RPL37A: variants seen among roughly 807,000 people sequenced by gnomAD.
The protein encoded by RPL37A is ribosomal protein L37a.
Under a neutral mutation model 13.6 loss-of-function variants are expected in RPL37A, and 5 were observed. The observed-to-expected ratio is 0.37, with a 90% CI of 0.19 to 0.78. The LOEUF is 0.78. Among genes scored for constraint, RPL37A ranks in the 30% least tolerant of loss-of-function variants. The pLI, the probability that RPL37A is intolerant of heterozygous loss-of-function variation, is 0.49. For missense variants in RPL37A, 77 were observed against 120.0 expected (o/e 0.64, Z 1.67); for synonymous variants, 50 against 44.4 (o/e 1.13, Z -0.50).
rs1023633787 is a variant in RPL37A at position 216,499,332 on chromosome 2, C to T, written c.66C>T (p.Leu22=). The stretch of plus-strand genomic sequence containing the variant: ...ACGGGACCCGCTATGGGGCCTCCCT[C>T]CGGAAAATGGTGAAGAAAATTGAAA... ...GKYGTRYGAS[L]RKMVKKIEIS... The change falls in exon 2 of 4, where the codon CTC becomes CTT. Residue 22 remains leucine (L), a synonymous_variant. Transcript: ENST00000491306. The T allele has an allele frequency of 2.5e-6, 4 of 1,613,984 alleles. No individual in the cohort carries two copies. The highest frequency in any genetic ancestry group is 2.7e-5 in the African/African-American group (2 of 74,916).
chr2:216,501,157 C>A, intron 3 of RPL37A, 184 bp from the exon 4 acceptor site: 1 of 516,050 alleles, frequency 1.9e-6, no homozygotes, highest in Non-Finnish European at 3.5e-6. Context: ...GAGGAGTAAT[C>A]TAATGTTGGT....
chr2:216,500,203 AAC>A, intron 3 of RPL37A, 172 bp downstream of exon 3: 2 of 616,276 alleles, frequency 3.2e-6, no homozygotes, highest in South Asian at 4.0e-5. Flanking sequence ...TGAAAGAGTA[AAC>A]ACAAAACTAC....
Position 216,500,933 on chromosome 2 carries a change from A to C in RPL37A, c.216-408A>C, listed in dbSNP as rs185795045. The stretch of plus-strand genomic sequence containing the variant: ...CTTGTAATCTGTCCATTCCCTTTTA[A>C]TAAGTTTAGGTCAGCCTCTTAGAAC... On this transcript the variant is annotated intron_variant, in intron 3 of 3. Coordinates refer to ENST00000491306, the MANE Select transcript of RPL37A (RefSeq NM_000998.5). 119 of 155,242 alleles carry C rather than the reference A, an allele frequency of 7.7e-4. 1 individual carries two copies. The East Asian group carries it at 0.018, about 23-fold the overall frequency. 9.6% of individuals were successfully genotyped at this position (155,242 alleles called of 1,614,324 possible). A position where few individuals can be genotyped will look rare whatever the true frequency, so the allele number is the denominator to read the frequency against.
In RPL37A at chr2:216,503,022, A is replaced by G. The variant is rs1418203456; in HGVS notation, c.*1618A>G. ...TAATGTGAAGCAAGTACTGTGGGTC[A>G]GTAGGGGTAGGACCAGGAGTGACAA... is the stretch of plus-strand genomic sequence containing the variant. On this transcript the variant is annotated 3_prime_UTR_variant, in exon 4 of 4. Coordinates refer to ENST00000491306, the MANE Select transcript of RPL37A (RefSeq NM_000998.5). 1.3e-5 allele frequency: 2 copies of G among 152,200 alleles called. No homozygotes were observed. 9.4% of individuals were successfully genotyped at this position (152,200 alleles called of 1,614,324 possible).
Position 216,502,849 on chromosome 2 carries a change from C to T in RPL37A, c.*1445C>T, listed in dbSNP as rs1171512619. ...TTACTGGCCTTTGCACGGATGTCTC[C>T]CTTCACCTGTACCTCCTGCATTGCC... On this transcript the variant is annotated 3_prime_UTR_variant, in exon 4 of 4. Transcript: ENST00000491306. 1 of 152,196 alleles carries T rather than the reference C, an allele frequency of 6.6e-6. No individual in the cohort carries two copies. The highest frequency in any genetic ancestry group is 1.5e-5 in the Non-Finnish European group (1 of 68,042). 9.4% of individuals were successfully genotyped at this position (152,196 alleles called of 1,614,324 possible). A position where few individuals can be genotyped will look rare whatever the true frequency, so the allele number is the denominator to read the frequency against.
Position 216,503,934 on chromosome 2 carries a change from T to A in RPL37A, c.*2530T>A, listed in dbSNP as rs1207753060. 6.6e-6 allele frequency: 1 copy of A among 152,218 alleles called. No homozygotes were observed. Among genetic ancestry groups the A allele is most frequent in the Non-Finnish European group, 1.5e-5 (1 of 68,034 alleles). 9.4% of individuals were successfully genotyped at this position (152,218 alleles called of 1,614,324 possible). On this transcript the variant is annotated 3_prime_UTR_variant, in exon 4 of 4. Transcript: ENST00000491306. ...GGCTCAGTATTCCTTACCTGCCTCT[T>A]CCCATGCTAAAGATGGCCCACCTTC...
chr2:216,499,594 C>T, intron 2 of RPL37A, 196 bp downstream of exon 2: 1 of 715,156 alleles, frequency 1.4e-6, no homozygotes, highest in Non-Finnish European at 2.3e-6. Flanking sequence ...TTAAAGAAAA[C>T]CGCTTAAACG....
chr2:216,499,016 G>C, intron 1 of RPL37A, 139 bp downstream of exon 1: 1 of 1,364,248 alleles, frequency 7.3e-7, no homozygotes, highest in Non-Finnish European at 1.0e-6. Context: ...CACCATTGTC[G>C]GAAGCTCCCC....
Position 216,503,270 on chromosome 2 carries a change from T to G in RPL37A, c.*1866T>G. ...GTGACTTAACCTCTCTGCTTCAGTTTCCTGTATAATTCTTGGTAGTAGAAT... is the reference window on the plus strand; with the variant it reads ...GTGACTTAACCTCTCTGCTTCAGTTGCCTGTATAATTCTTGGTAGTAGAAT... On this transcript the variant is annotated 3_prime_UTR_variant, in exon 4 of 4. Transcript: ENST00000491306. The G allele has an allele frequency of 6.6e-6, 1 of 152,368 alleles. No homozygotes were observed. The highest frequency in any genetic ancestry group is 3.4e-3 in the Middle Eastern group (1 of 294). The allele number at this position is 152,368 out of a possible 1,614,324, so 9.4% of individuals were successfully genotyped here.
intron 1 of RPL37A, 109 bp downstream of exon 1, chr2:216,498,986 C>CT: frequency 6.7e-7 from 1 of 1,486,108 alleles, no homozygotes; most frequent in Admixed American, 1.7e-5. Context: ...TCTCTCCTGT[C>CT]TCCATGCCTT....
chr2:216,499,170 G>C, intron 1 of RPL37A, 100 bp from the exon 2 acceptor site: 1 of 1,395,734 alleles, frequency 7.2e-7, no homozygotes, highest in African/African-American at 1.4e-5. Context: ...TAATTCACAT[G>C]TCGGTCACAC....
rs1695627455 is a variant in RPL37A, at chr2:216,503,198, ACAC to A, written c.*1797_*1799del. On this transcript the variant is annotated 3_prime_UTR_variant, in exon 4 of 4. Transcript: ENST00000491306. ...AGATGGTCTAATGCTGCGGTTAAGA[ACAC>A]CAACTTAGCCAAACTGCCTAGATAG... The A allele has an allele frequency of 6.6e-6, 1 of 152,116 alleles. No individual in the cohort carries two copies. The highest frequency in any genetic ancestry group is 6.5e-5 in the Admixed American group (1 of 15,280). 9.4% of individuals were successfully genotyped at this position (152,116 alleles called of 1,614,324 possible). A position where few individuals can be genotyped will look rare whatever the true frequency, so the allele number is the denominator to read the frequency against.
Position 216,501,991 on chromosome 2 carries a change from C to G in RPL37A, c.*587C>G, listed in dbSNP as rs1330885838. On this transcript the variant is annotated 3_prime_UTR_variant, in exon 4 of 4. Coordinates refer to ENST00000491306, the MANE Select transcript of RPL37A (RefSeq NM_000998.5). ...TTGGCCTTCCAGAGTGCTGGGATTA[C>G]AGGTGTGAGCCACCACGCCCAGCCT... 6.6e-6 allele frequency: 1 copy of G among 152,274 alleles called. No individual in the cohort carries two copies. Among genetic ancestry groups the G allele is most frequent in the Non-Finnish European group, 1.5e-5 (1 of 68,156 alleles). The allele number at this position is 152,274 out of a possible 1,614,324, so 9.4% of individuals were successfully genotyped here. A position where few individuals can be genotyped will look rare whatever the true frequency, so the allele number is the denominator to read the frequency against.
At chr2:216,500,111 T>C (rs1056124217) in intron 3 of RPL37A, 80 bp downstream of exon 3, 91 of 1,011,586 alleles carry the variant, frequency 9.0e-5, no homozygotes, top group Non-Finnish European at 1.4e-4. Flanking sequence ...GATGGGCTAG[T>C]TTTAACACTT....
At chr2:216,500,294 C>A (rs1021039302) in intron 3 of RPL37A, 6 of 523,368 alleles carry the variant, frequency 1.1e-5, no homozygotes, top group Non-Finnish European at 2.1e-5. Flanking sequence ...TGAACATTGT[C>A]ATGATACTGT....
intron 3 of RPL37A, 101 bp from the exon 4 acceptor site, chr2:216,501,240 T>G: frequency 1.1e-6 from 1 of 876,980 alleles, no homozygotes; most frequent in Non-Finnish European, 1.9e-6. Context: ...CTAGGAAAAT[T>G]TGGGAAGCGA....
chr2:216,500,399 A>G (rs79009217), intron 3 of RPL37A: 4,303 of 287,906 alleles, frequency 0.015, 166 homozygotes, highest in African/African-American at 0.087. Flanking sequence ...TCAAAACTGT[A>G]TTTGGAACTT....
intron 3 of RPL37A, chr2:216,500,510 C>G (rs1315828429): frequency 5.5e-6 from 1 of 181,378 alleles, no homozygotes; most frequent in African/African-American, 2.4e-5. Context: ...GGCGATACTA[C>G]AAACACTATA....
rs531230756 is a variant in RPL37A at position 216,499,859 on chromosome 2, A to G, written c.133-90A>G. 5.5e-6 allele frequency: 6 copies of G among 1,100,732 alleles called. No homozygotes were observed. In the Admixed American group the frequency reaches 8.9e-5, roughly 16 times the overall value. 68.2% of individuals were successfully genotyped at this position (1,100,732 alleles called of 1,614,324 possible). A position where few individuals can be genotyped will look rare whatever the true frequency, so the allele number is the denominator to read the frequency against. ...AGAAAGGGAGGCTTTCACATCCCTG[A>G]CAATAAGGTGAATCCAAATTTAGAC... On this transcript the variant is annotated intron_variant, in intron 2 of 3. Transcript: ENST00000491306.
Sources: gnomAD v4.1 joint callset for allele counts on GRCh38, gnomAD v4.1.1 for gene constraint, MANE v1.5 for transcripts, NCBI Gene and HGNC (gene_info 2026-07-23, HGNC 2026-07-21) for gene names.